The following KRT3 variants were observed in gnomAD, a reference collection of about 807,000 sequenced individuals.
KRT3 encodes keratin, type II cytoskeletal 3.
A neutral mutation model predicts 45.8 loss-of-function variants in KRT3; 34 were observed. The ratio of observed to expected loss-of-function variants is 0.74; its 90% confidence interval spans 0.57 to 0.99. The LOEUF (loss-of-function observed/expected upper bound fraction) is 0.99, where lower values mean the gene tolerates loss of function less well. Ranked by LOEUF, KRT3 falls within the 50% of genes least tolerant of loss-of-function variation. KRT3 has a pLI of 0.00. For missense variants in KRT3, 828 were observed against 820.6 expected (o/e 1.01, Z -0.11); for synonymous variants, 367 against 329.0 (o/e 1.12, Z -1.25).
chr12:52,792,419 G>A lies in KRT3; in HGVS notation c.1024-16C>T, dbSNP rs763988023. ...GAGATAGCTCCTGTCAACACAGAGG[G>A]AGCTTGTTCACTTTTGGGGTCCCTG... On this transcript the variant is annotated splice_polypyrimidine_tract_variant and intron_variant, in intron 4 of 8. Transcript: ENST00000417996. 3 of 1,612,914 alleles carry A rather than the reference G, an allele frequency of 1.9e-6. No individual in the cohort carries two copies. Among genetic ancestry groups the A allele is most frequent in the Non-Finnish European group, 2.5e-6 (3 of 1,179,910 alleles).
chr12:52,792,304 G>C lies in KRT3; in HGVS notation c.1123C>G (p.Arg375Gly), dbSNP rs3887954. The C allele has an allele frequency of 0.61, 991,587 of 1,612,690 alleles. 319,767 individuals are homozygous for C. The highest frequency in any genetic ancestry group is 0.68 in the Non-Finnish European group (797,457 of 1,178,888). ...TGAGCGATATCCTCATACTGTGCAC[G>C]AACTTCAGCAATGATGCTGTCCAGG... ...LDLDSIIAEV[R>G]AQYEDIAQRS... The change falls in exon 5 of 9, where the codon CGT becomes GGT. Residue 375 changes from arginine to glycine, a missense_variant. Coordinates refer to ENST00000417996, the MANE Select transcript of KRT3 (RefSeq NM_057088.3).
Sources: allele counts gnomAD v4.1 joint callset, GRCh38; gene constraint gnomAD v4.1.1; transcripts MANE v1.5; gene names NCBI Gene and HGNC (gene_info 2026-07-23, HGNC 2026-07-21).